HTR2C: variants seen among roughly 807,000 people sequenced by gnomAD.
HTR2C encodes the protein 5-hydroxytryptamine (serotonin) receptor 2C, G protein-coupled.
HTR2C carries 5 observed loss-of-function variants against 21.0 expected under a neutral mutation model. That is an observed-to-expected ratio of 0.24 (90% confidence interval 0.12 to 0.50). The LOEUF is 0.50. HTR2C is among the 20% of genes least tolerant of loss of function. The probability of loss-of-function intolerance (pLI) is 0.98; values close to 1 mark genes in which losing one functional copy is unlikely to be tolerated. For missense variants in HTR2C, 271 were observed against 371.2 expected, an observed-to-expected ratio of 0.73 and a Z score of 2.22; for synonymous variants, 150 against 145.3, an observed-to-expected ratio of 1.03 and a Z score of -0.23.
chrX:114,869,629 T>C (rs1240395328), intron 5 of HTR2C, among the ~76,000 whole-genome samples: 2 of 112,181 alleles, frequency 1.8e-5, no homozygotes, highest in African/African-American at 3.2e-5. Flanking sequence ...TTGACTTATT[T>C]CTTTCCAATT....
chrX:114,626,830 G>A (rs1175446761), intron 2 of HTR2C, among the ~76,000 whole-genome samples: 2 of 111,896 alleles, frequency 1.8e-5, no homozygotes, highest in Non-Finnish European at 3.8e-5. Context: ...TTATGGCAGA[G>A]TTATAGCTGT....
At chrX:114,610,187 C>T (rs781959018) in intron 1 of HTR2C, among the ~76,000 whole-genome samples, 1 of 111,413 alleles carries the variant, frequency 9.0e-6, no homozygotes, top group East Asian at 2.8e-4. Flanking sequence ...GCATTAAGCT[C>T]TTTGTAATGA....
intron 4 of HTR2C, among the ~76,000 whole-genome samples, chrX:114,805,815 T>TATATACACCATATATATACC (rs2070409576): frequency 2.0e-5 from 2 of 99,020 alleles, no homozygotes; most frequent in African/African-American, 7.5e-5. Context: ...ATATACACCA[T>TATATACACCATATATATACC]ATATATACCA....
At chrX:114,846,621 TA>T (rs781797626) in intron 4 of HTR2C, among the ~76,000 whole-genome samples, 1 of 111,502 alleles carries the variant, frequency 9.0e-6, no homozygotes, top group Non-Finnish European at 1.9e-5. Context: ...TTTTTTATGA[TA>T]AAAAAATGTT....
At chrX:114,804,192 T>C (rs1159217373) in intron 4 of HTR2C, among the ~76,000 whole-genome samples, 2 of 111,895 alleles carry the variant, frequency 1.8e-5, no homozygotes, top group African/African-American at 6.5e-5. Flanking sequence ...TGGTTACACC[T>C]AAGCTACTGA....
chrX:114,848,541 A>C (rs1269539033), intron 5 of HTR2C, among the ~76,000 whole-genome samples: 2 of 111,816 alleles, frequency 1.8e-5, no homozygotes, highest in Non-Finnish European at 3.8e-5. Context: ...TTAAAGTCTA[A>C]ATTTTAAAAA....
chrX:114,659,018 G>A (rs1378898110), intron 2 of HTR2C, among the ~76,000 whole-genome samples: 1 of 111,401 alleles, frequency 9.0e-6, no homozygotes, highest in African/African-American at 3.3e-5. Context: ...CACATGGCTG[G>A]GGAGGCCTCA....
At chrX:114,662,374 C>T (rs1012151233) in intron 2 of HTR2C, among the ~76,000 whole-genome samples, 2 of 111,255 alleles carry the variant, frequency 1.8e-5, no homozygotes, top group African/African-American at 6.5e-5. Context: ...AATACATTCA[C>T]AACTTTAAAT....
At chrX:114,825,286 G>A (rs1186045829) in intron 4 of HTR2C, among the ~76,000 whole-genome samples, 9 of 111,044 alleles carry the variant, frequency 8.1e-5, no homozygotes, top group Non-Finnish European at 1.9e-5. Flanking sequence ...TACTACTTTA[G>A]CACCATCAGA....
At chrX:114,603,158 G>A (rs1439254919) in intron 1 of HTR2C, among the ~76,000 whole-genome samples, 1 of 112,359 alleles carries the variant, frequency 8.9e-6, no homozygotes, top group East Asian at 2.9e-4. Context: ...GTGGTATCAG[G>A]AATAATGTGG....
chrX:114,757,991 A>G (rs1257094710), intron 4 of HTR2C, among the ~76,000 whole-genome samples: 2 of 110,976 alleles, frequency 1.8e-5, no homozygotes, highest in East Asian at 5.7e-4. Context: ...ACACACACAC[A>G]GAAATAATAA....
At chrX:114,773,661 A>AT (rs781895060) in intron 4 of HTR2C, among the ~76,000 whole-genome samples, 63 of 112,156 alleles carry the variant, frequency 5.6e-4, no homozygotes, top group African/African-American at 2.0e-3. Context: ...ACAATTGCAT[A>AT]TTTTTTGTAT....
At chrX:114,638,747 T>C (rs1282909845) in intron 2 of HTR2C, among the ~76,000 whole-genome samples, 1 of 92,934 alleles carries the variant, frequency 1.1e-5, no homozygotes, top group African/African-American at 3.9e-5. Context: ...CATTGTTCAA[T>C]TCCCACCTAT....
chrX:114,584,838 A>C (rs1345907085), intron 1 of HTR2C, among the ~76,000 whole-genome samples, 179 bp downstream of exon 1: 1 of 109,761 alleles, frequency 9.1e-6, no homozygotes, highest in Non-Finnish European at 1.9e-5. Context: ...AGTCTCTGGA[A>C]GAAGAGAGGA....
intron 2 of HTR2C, among the ~76,000 whole-genome samples, chrX:114,726,351 G>A (rs1337523684): frequency 8.9e-6 from 1 of 112,489 alleles, no homozygotes; most frequent in African/African-American, 3.2e-5. Context: ...CCCAAGTGAG[G>A]CAATGCCTCG....
chrX:114,896,234 A>G, intron 5 of HTR2C, among the ~76,000 whole-genome samples: 1 of 111,897 alleles, frequency 8.9e-6, no homozygotes, highest in African/African-American at 3.2e-5. Flanking sequence ...AACATACTAT[A>G]TAAGATTGCA....
chrX:114,621,946 G>A (rs1929182609), intron 2 of HTR2C, among the ~76,000 whole-genome samples: 1 of 111,706 alleles, frequency 9.0e-6, no homozygotes, highest in African/African-American at 3.3e-5. Context: ...AGAGAGAACT[G>A]GACTACTGGG....
At chrX:114,830,900 A>T (rs1344683511) in intron 4 of HTR2C, among the ~76,000 whole-genome samples, 1 of 69,140 alleles carries the variant, frequency 1.4e-5, no homozygotes, top group African/African-American at 5.1e-5. Flanking sequence ...TCCTGTGTCC[A>T]TGTGATCTCA....
chrX:114,657,257 A>T (rs1271600645), intron 2 of HTR2C, among the ~76,000 whole-genome samples: 1 of 110,879 alleles, frequency 9.0e-6, no homozygotes, highest in African/African-American at 3.3e-5. Context: ...AACAAGAAAA[A>T]ATTGTCTCCC....
Sources: allele counts gnomAD v4.1 joint callset (sites outside exome capture counted in the v4.1 genomes callset), GRCh38; gene constraint gnomAD v4.1.1; transcripts MANE v1.5; gene names NCBI Gene and HGNC (gene_info 2026-07-23, HGNC 2026-07-21).